USP34: variants seen among roughly 807,000 people sequenced by gnomAD.
USP34 encodes the protein ubiquitin specific peptidase 34.
USP34 carries 70 observed loss-of-function variants against 460.3 expected under a neutral mutation model. The observed-to-expected ratio is 0.15, with a 90% CI of 0.13 to 0.19. The LOEUF is 0.19. Among genes scored for constraint, USP34 ranks in the 10% least tolerant of loss-of-function variants. The probability of loss-of-function intolerance (pLI) is 1.00; values close to 1 mark genes in which losing one functional copy is unlikely to be tolerated. For missense variants in USP34, 3,985 were observed against 4,236.2 expected, an observed-to-expected ratio of 0.94 and a Z score of 1.65; for synonymous variants, 1,647 against 1,405.3, an observed-to-expected ratio of 1.17 and a Z score of -3.85.
intron 75 of USP34, among the ~76,000 whole-genome samples, chr2:61,198,231 A>G (rs1686864993): frequency 6.6e-6 from 1 of 152,336 alleles, no homozygotes; most frequent in African/African-American, 2.4e-5. Flanking sequence ...TACATGTACT[A>G]AGAGCGATTT....
intron 75 of USP34, among the ~76,000 whole-genome samples, chr2:61,202,337 T>C (rs1686999601): frequency 6.6e-6 from 1 of 152,134 alleles, no homozygotes; most frequent in African/African-American, 2.4e-5. Flanking sequence ...GTATTTCACG[T>C]CCCACTCTGA....
At chr2:61,234,012 GA>G (rs966982142) in intron 57 of USP34, among the ~76,000 whole-genome samples, 2 of 151,596 alleles carry the variant, frequency 1.3e-5, no homozygotes, top group South Asian at 4.2e-4. Context: ...TTCCATTATG[GA>G]AAAAAAAGGA....
rs771597962 is a variant in USP34 at position 61,348,065 on chromosome 2, T to A, written c.2090A>T (p.His697Leu). The A allele has an allele frequency of 1.9e-6, 3 of 1,614,018 alleles. No individual in the cohort carries two copies. The highest frequency in any genetic ancestry group is 2.5e-6 in the Non-Finnish European group (3 of 1,180,018). The change falls in exon 15 of 80, where the codon CAC becomes CTC. Residue 697 changes from histidine to leucine, a missense_variant. Around this residue, in one of 14 missense-constraint regions of USP34, gnomAD observed 716 missense variants for 626.2 expected, o/e 1.14. Coordinates refer to ENST00000398571, the MANE Select transcript of USP34 (RefSeq NM_014709.4). The stretch of plus-strand genomic sequence containing the variant: ...AATATCATGTTCTGGGTCTTCAGAG[T>A]GTGAACAAGCATCCAGCATTCGCAT... ...NRMRMLDACS[H>L]SEDPEHDISG...
At chr2:61,452,920 A>G (rs1002586370) in intron 1 of USP34, among the ~76,000 whole-genome samples, 1 of 117,360 alleles carries the variant, frequency 8.5e-6, no homozygotes, top group Non-Finnish European at 1.9e-5. Context: ...AAAAAAAAAA[A>G]AAAAAAACAC....
intron 5 of USP34, among the ~76,000 whole-genome samples, chr2:61,394,533 C>CAAAAAAAA (rs200686763): frequency 1.8e-5 from 2 of 110,060 alleles, no homozygotes; most frequent in Non-Finnish European, 3.7e-5. Flanking sequence ...CCCTCTCTCT[C>CAAAAAAAA]AAAAAAAAAA....
At chr2:61,384,875 T>C (rs1002001900) in intron 5 of USP34, among the ~76,000 whole-genome samples, 3 of 151,850 alleles carry the variant, frequency 2.0e-5, no homozygotes, top group Non-Finnish European at 4.4e-5. Context: ...CTAGACAATA[T>C]AAGTTAAGAA....
chr2:61,444,300 A>G (rs1695048938), intron 1 of USP34, among the ~76,000 whole-genome samples: 1 of 152,158 alleles, frequency 6.6e-6, no homozygotes, highest in Non-Finnish European at 1.5e-5. Flanking sequence ...ATTAAAATAT[A>G]CAATAACAGA....
intron 12 of USP34, among the ~76,000 whole-genome samples, chr2:61,349,911 AG>A (rs1425045313): frequency 6.6e-6 from 1 of 152,184 alleles, no homozygotes; most frequent in African/African-American, 2.4e-5. Context: ...AAAACTTTGA[AG>A]CAGAAAACAC....
chr2:61,294,652 C>T (rs922957964), intron 32 of USP34, among the ~76,000 whole-genome samples: 6 of 152,102 alleles, frequency 3.9e-5, no homozygotes, highest in Admixed American at 3.9e-4. Flanking sequence ...AACTCCTGAC[C>T]TCAAGTGATC....
chr2:61,430,754 G>A (rs1184638223), intron 1 of USP34, among the ~76,000 whole-genome samples: 1 of 152,102 alleles, frequency 6.6e-6, no homozygotes, highest in African/African-American at 2.4e-5. Flanking sequence ...ATGCTATTTC[G>A]TATTAAGAAA....
At chr2:61,462,981 A>G (rs1695650626) in intron 1 of USP34, among the ~76,000 whole-genome samples, 1 of 148,978 alleles carries the variant, frequency 6.7e-6, no homozygotes, top group Non-Finnish European at 1.5e-5. Context: ...AGTAAGCAAT[A>G]ATCACTTCAT....
chr2:61,245,716 G>GA (rs761284887), intron 50 of USP34, among the ~76,000 whole-genome samples: 5 of 151,996 alleles, frequency 3.3e-5, no homozygotes, highest in Non-Finnish European at 4.4e-5. Flanking sequence ...GTGAAGGAGT[G>GA]AAAAATAACT....
chr2:61,298,983 T>C (rs1690135569), intron 29 of USP34, among the ~76,000 whole-genome samples: 1 of 151,904 alleles, frequency 6.6e-6, no homozygotes, highest in Non-Finnish European at 1.5e-5. Flanking sequence ...TGAAAAAACC[T>C]TCTGCAAATT....
chr2:61,360,217 G>T (rs1325443114), intron 10 of USP34, among the ~76,000 whole-genome samples: 1 of 151,838 alleles, frequency 6.6e-6, no homozygotes, highest in Non-Finnish European at 1.5e-5. Flanking sequence ...GAAGACTTAA[G>T]GAATAAAAGG....
At chr2:61,293,631 T>C in intron 32 of USP34, 81 bp from the exon 33 acceptor site, 3 of 959,018 alleles carry the variant, frequency 3.1e-6, no homozygotes, top group Non-Finnish European at 4.8e-6. Flanking sequence ...TAACTGGATA[T>C]GTAAAATATT....
At chr2:61,363,881 A>G (rs959297114) in intron 10 of USP34, among the ~76,000 whole-genome samples, 8 of 152,234 alleles carry the variant, frequency 5.3e-5, no homozygotes, top group Admixed American at 2.0e-4. Context: ...ATGAAATTTT[A>G]ATGTTTGCTA....
intron 10 of USP34, among the ~76,000 whole-genome samples, chr2:61,355,825 A>G (rs1188204375): frequency 6.6e-6 from 1 of 152,168 alleles, no homozygotes; most frequent in African/African-American, 2.4e-5. Context: ...CAGAATTGGT[A>G]TTTTTTTAAA....
intron 1 of USP34, among the ~76,000 whole-genome samples, chr2:61,439,002 C>A (rs756151313): frequency 2.0e-5 from 3 of 152,124 alleles, no homozygotes; most frequent in Non-Finnish European, 4.4e-5. Flanking sequence ...TAAAAAAAAT[C>A]AGTGATGTTT....
At chr2:61,209,073 C>T in intron 69 of USP34, 96 bp from the exon 70 acceptor site, 1 of 668,068 alleles carries the variant, frequency 1.5e-6, no homozygotes, top group Non-Finnish European at 2.3e-6. Flanking sequence ...ATCATTTAAG[C>T]TCTCTGCTTT....
Sources: gnomAD v4.1 joint callset for allele counts (sites outside exome capture counted in the v4.1 genomes callset) on GRCh38, gnomAD v4.1.1 for gene constraint, gnomAD v4.1.1 regional missense constraint, MANE v1.5 for transcripts, NCBI Gene and HGNC (gene_info 2026-07-23, HGNC 2026-07-21) for gene names.